Variants in CADM2 observed in about 807,000 individuals in gnomAD.
CADM2 encodes the protein immunoglobulin superfamily member 4D.
CADM2 carries 12 observed loss-of-function variants against 49.8 expected under a neutral mutation model. The ratio of observed to expected loss-of-function variants is 0.24; its 90% CI spans 0.15 to 0.39. The LOEUF (loss-of-function observed/expected upper bound fraction) is 0.39. Ranked by LOEUF, CADM2 falls within the 10% of genes least tolerant of loss-of-function variation. The pLI, the probability that CADM2 is intolerant of heterozygous loss-of-function variation, is 1.00. For synonymous variants in CADM2, 214 were observed against 175.4 expected (o/e 1.22, Z -1.74); for missense variants, 378 against 492.3 (o/e 0.77, Z 2.20).
intron 6 of CADM2, among the ~76,000 whole-genome samples, chr3:85,913,797 A>G (rs1452817060): frequency 6.6e-6 from 1 of 152,200 alleles, no homozygotes; most frequent in South Asian, 2.1e-4. Context: ...GGCTGCAAGG[A>G]AAATAAAGCA....
intron 1 of CADM2, among the ~76,000 whole-genome samples, chr3:85,580,854 T>G (rs2062773602): frequency 6.6e-6 from 1 of 152,148 alleles, no homozygotes; most frequent in South Asian, 2.1e-4. Flanking sequence ...TTAATACATG[T>G]AAAACAGTTT....
chr3:85,352,561 T>A (rs2031454088), intron 1 of CADM2, among the ~76,000 whole-genome samples: 1 of 152,104 alleles, frequency 6.6e-6, no homozygotes, highest in Non-Finnish European at 1.5e-5. Context: ...CTGACTTTGT[T>A]TACTTTGGTT....
chr3:85,944,386 A>G (rs1722369951), intron 7 of CADM2, among the ~76,000 whole-genome samples: 1 of 152,086 alleles, frequency 6.6e-6, no homozygotes, highest in African/African-American at 2.4e-5. Flanking sequence ...TAACAGGGAT[A>G]TCCAGGAATT....
intron 1 of CADM2, among the ~76,000 whole-genome samples, chr3:85,291,154 G>A (rs2043781931): frequency 6.6e-6 from 1 of 152,134 alleles, no homozygotes; most frequent in South Asian, 2.1e-4. Context: ...GAAGCCTCAG[G>A]AGCCGATGCG....
intron 2 of CADM2, among the ~76,000 whole-genome samples, chr3:85,780,212 ACATGT>A (rs1405175805): frequency 6.6e-6 from 1 of 152,190 alleles, no homozygotes; most frequent in African/African-American, 2.4e-5. Flanking sequence ...TAGTAGGCCG[ACATGT>A]ACATTCAAAA....
chr3:85,479,360 T>C (rs1163261432), intron 1 of CADM2, among the ~76,000 whole-genome samples: 1 of 151,918 alleles, frequency 6.6e-6, no homozygotes, highest in East Asian at 1.9e-4. Context: ...ACTAAGCCAC[T>C]TTCAGTGCCT....
intron 6 of CADM2, among the ~76,000 whole-genome samples, chr3:85,917,458 G>A (rs1198543824): frequency 6.6e-6 from 1 of 152,104 alleles, no homozygotes; most frequent in Non-Finnish European, 1.5e-5. Flanking sequence ...TGTCAGGTTT[G>A]TCAAAGATCA....
At chr3:85,503,271 T>G (rs2040192048) in intron 1 of CADM2, among the ~76,000 whole-genome samples, 1 of 152,192 alleles carries the variant, frequency 6.6e-6, no homozygotes, top group Non-Finnish European at 1.5e-5. Flanking sequence ...ATTTCTGGAT[T>G]TGCATAAGCA....
At chr3:85,191,765 A>G (rs1398110144) in intron 1 of CADM2, among the ~76,000 whole-genome samples, 1 of 152,144 alleles carries the variant, frequency 6.6e-6, no homozygotes, top group Non-Finnish European at 1.5e-5. Flanking sequence ...GAACCCTGAT[A>G]GGCAATGATG....
At chr3:85,898,838 C>T (rs1334732987) in intron 5 of CADM2, among the ~76,000 whole-genome samples, 1 of 148,128 alleles carries the variant, frequency 6.8e-6, no homozygotes, top group East Asian at 2.0e-4. Flanking sequence ...TAGATGCAGA[C>T]TAGCTGGATT....
At chr3:85,410,732 T>C (rs2035619054) in intron 1 of CADM2, among the ~76,000 whole-genome samples, 1 of 152,194 alleles carries the variant, frequency 6.6e-6, no homozygotes, top group Admixed American at 6.5e-5. Context: ...CAAAATGTTT[T>C]AGGGACACTG....
intron 1 of CADM2, among the ~76,000 whole-genome samples, chr3:85,214,729 C>G (rs535394330): frequency 4.3e-4 from 66 of 152,200 alleles, no homozygotes; most frequent in African/African-American, 1.6e-3. Context: ...CTCCCCATGG[C>G]CACCATTGTC....
intron 1 of CADM2, among the ~76,000 whole-genome samples, chr3:85,405,055 T>A (rs2035304751): frequency 6.6e-6 from 1 of 152,176 alleles, no homozygotes; most frequent in Admixed American, 6.6e-5. Context: ...AACTGTTGGA[T>A]AAATCATTAG....
At chr3:85,798,555 G>A (rs1012736194) in intron 2 of CADM2, among the ~76,000 whole-genome samples, 2 of 152,046 alleles carry the variant, frequency 1.3e-5, no homozygotes, top group African/African-American at 2.4e-5. Flanking sequence ...TTTTTGTCAC[G>A]TTTGTCAAAG....
chr3:85,343,682 A>G (rs574998840), intron 1 of CADM2, among the ~76,000 whole-genome samples: 1 of 152,284 alleles, frequency 6.6e-6, no homozygotes, highest in East Asian at 1.9e-4. Flanking sequence ...GCCAATGCTC[A>G]ATTTTGTTGG....
At position 85,869,815 on chromosome 3, in the gene CADM2, C is replaced by T. The variant is rs557817630; in HGVS notation, c.239-13476C>T. Among the ~76,000 whole-genome samples, 9 of 152,094 alleles carry T rather than the reference C, an allele frequency of 5.9e-5. No homozygotes were observed. In the South Asian group the frequency reaches 1.2e-3, roughly 21 times the overall value. On this transcript the variant is annotated intron_variant, in intron 3 of 9. Coordinates refer to ENST00000383699, the MANE Select transcript of CADM2 (RefSeq NM_001167675.2). ...CTGGGACTACAGGTGCCCGCCACCA[C>T]GGGGCCTGGCTAATTTTTTGTATTT...
At chr3:86,021,236 G>A (rs1733129090) in intron 8 of CADM2, among the ~76,000 whole-genome samples, 1 of 152,164 alleles carries the variant, frequency 6.6e-6, no homozygotes, top group Non-Finnish European at 1.5e-5. Flanking sequence ...CTGACCTCAA[G>A]TGATTTGCCT....
chr3:85,560,443 A>G (rs1490110748), intron 1 of CADM2, among the ~76,000 whole-genome samples: 2 of 152,238 alleles, frequency 1.3e-5, no homozygotes, highest in Non-Finnish European at 2.9e-5. Context: ...GAAAAAAAGA[A>G]AACAGATTCA....
In CADM2 at chr3:85,323,152, C is replaced by A. The variant is rs544064411; in HGVS notation, c.61+363484C>A. 5.9e-5 allele frequency among the ~76,000 whole-genome samples: 9 copies of A among 152,178 alleles called. No homozygotes were observed. In the East Asian group the frequency reaches 1.7e-3, roughly 29 times the overall value. On this transcript the variant is annotated intron_variant, in intron 1 of 9. Transcript: ENST00000383699. ...GAAAATTATTTATAATTGTTGTGTT[C>A]ATTTCCTCACTTGTCACTCAGTCTA... is the stretch of plus-strand genomic sequence containing the variant.
Sources: allele counts gnomAD v4.1 joint callset (sites outside exome capture counted in the v4.1 genomes callset), GRCh38; gene constraint gnomAD v4.1.1; transcripts MANE v1.5; gene names NCBI Gene and HGNC (gene_info 2026-07-23, HGNC 2026-07-21).